DLGAP2: variants seen among roughly 807,000 people sequenced by gnomAD.
DLGAP2 encodes the protein disks large-associated protein 2.
In DLGAP2, 26 loss-of-function variants were observed where a neutral mutation model predicts 100.3. The ratio of observed to expected loss-of-function variants is 0.26; its 90% CI spans 0.19 to 0.36. DLGAP2 has a LOEUF of 0.36. Ranked by LOEUF, DLGAP2 falls within the 10% of genes least tolerant of loss-of-function variation. The pLI is 1.00. For missense variants in DLGAP2, 1,858 were observed against 1,453.2 expected, an observed-to-expected ratio of 1.28 and a Z score of -4.53; for synonymous variants, 886 against 630.1, an observed-to-expected ratio of 1.41 and a Z score of -6.08.
rs141182327 is a variant in DLGAP2 at position 1,085,421 on chromosome 8, A to G, written c.74-173430A>G. 2.3e-3 allele frequency among the ~76,000 whole-genome samples: 355 copies of G among 152,316 alleles called. 2 individuals carry two copies. The highest frequency in any genetic ancestry group is 3.9e-3 in the Non-Finnish European group (265 of 68,026). ...CTGCGCTTTTGGAATTAAATCAACC[A>G]GCATCACCCAGACCAATATTATGTA... On this transcript the variant is annotated intron_variant, in intron 2 of 14. Transcript: ENST00000637795.
In DLGAP2 at chr8:1,694,383, G is replaced by A. The variant is rs140407868; in HGVS notation, c.2796+2757G>A. 5.4e-3 allele frequency among the ~76,000 whole-genome samples: 827 copies of A among 152,296 alleles called. 5 individuals are homozygous for A. Among genetic ancestry groups the A allele is most frequent in the Middle Eastern group, 0.031 (9 of 294 alleles). The stretch of plus-strand genomic sequence containing the variant: ...GTAACTAAGCTTTAAGTCAAAGAGC[G>A]ACCCTAGAAAATGTCAGAACCCCAG... On this transcript the variant is annotated intron_variant, in intron 13 of 14. Coordinates refer to ENST00000637795, the MANE Select transcript of DLGAP2 (RefSeq NM_001346810.2).
intron 2 of DLGAP2, among the ~76,000 whole-genome samples, chr8:1,233,621 G>T (rs1798582534): frequency 1.3e-5 from 2 of 150,582 alleles, no homozygotes; most frequent in Non-Finnish European, 2.9e-5. Context: ...GCCCAGCTCT[G>T]GGTCCAATGG....
intron 3 of DLGAP2, among the ~76,000 whole-genome samples, chr8:1,269,811 A>G (rs190293987): frequency 1.3e-4 from 20 of 152,276 alleles, no homozygotes; most frequent in African/African-American, 4.1e-4. Context: ...GTATTTTTAA[A>G]GCTAGAGAAT....
intron 2 of DLGAP2, among the ~76,000 whole-genome samples, chr8:1,147,921 G>A (rs770250374): frequency 6.6e-5 from 10 of 152,092 alleles, no homozygotes; most frequent in Non-Finnish European, 8.8e-5. Flanking sequence ...TTCTATTTAC[G>A]TTTACAACAG....
chr8:1,381,041 G>C (rs1033154419), intron 3 of DLGAP2: 1 of 150,616 alleles, frequency 6.6e-6, no homozygotes, highest in Non-Finnish European at 1.5e-5. Context: ...ATAATATAAG[G>C]AGTTCCTTTC....
chr8:989,082 G>A lies in DLGAP2; in HGVS notation c.73+81116G>A, dbSNP rs143914193. Among the ~76,000 whole-genome samples, 455 of 152,288 alleles carry A rather than the reference G, an allele frequency of 3.0e-3. 4 individuals carry two copies. The highest frequency in any genetic ancestry group is 9.4e-3 in the African/African-American group (389 of 41,560). ...GAGACTGTTTTAAAGCACAGATCCC[G>A]TCTAGTCAGCCTCCATTGTGACGAC... is the stretch of plus-strand genomic sequence containing the variant. On this transcript the variant is annotated intron_variant, in intron 2 of 14. Coordinates refer to ENST00000637795, the MANE Select transcript of DLGAP2 (RefSeq NM_001346810.2).
chr8:1,644,260 C>G (rs1457138451), intron 8 of DLGAP2, among the ~76,000 whole-genome samples: 1 of 152,210 alleles, frequency 6.6e-6, no homozygotes, highest in Non-Finnish European at 1.5e-5. Flanking sequence ...GCAGCCTGAC[C>G]CTAAGCCCGC....
chr8:1,545,435 T>A (rs1801501705), intron 4 of DLGAP2, among the ~76,000 whole-genome samples: 1 of 152,216 alleles, frequency 6.6e-6, no homozygotes, highest in African/African-American at 2.4e-5. Flanking sequence ...TGGTTGTACG[T>A]TCATGAATAA....
chr8:1,307,733 T>C (rs999376656), intron 3 of DLGAP2, among the ~76,000 whole-genome samples: 2 of 152,148 alleles, frequency 1.3e-5, no homozygotes, highest in Non-Finnish European at 2.9e-5. Context: ...AGATGAACCC[T>C]GAAGACATTC....
intron 3 of DLGAP2, among the ~76,000 whole-genome samples, chr8:1,267,609 A>AAAATT (rs1799488877): frequency 8.7e-6 from 1 of 114,822 alleles, no homozygotes; most frequent in African/African-American, 3.6e-5. Flanking sequence ...AAGATAAGAT[A>AAAATT]AGATAAGATA....
chr8:1,241,948 C>A (rs575913921), intron 2 of DLGAP2, among the ~76,000 whole-genome samples: 2 of 152,164 alleles, frequency 1.3e-5, no homozygotes, highest in South Asian at 2.1e-4. Flanking sequence ...GAATGATGAT[C>A]ACTGCCTCTA....
intron 2 of DLGAP2, among the ~76,000 whole-genome samples, chr8:1,159,219 A>G (rs962835354): frequency 2.0e-5 from 3 of 152,336 alleles, no homozygotes; most frequent in South Asian, 2.1e-4. Context: ...AATGTGAGCA[A>G]TTGTTTTGGT....
rs1005794665 is a variant in DLGAP2, at chr8:1,701,234, G to GGAA, written c.2998_3000dup (p.Lys1000dup). ...CCAATACCAAAGAAGCCTCCCAAGG[G>GGAA]GAAGTTTCCCATCACAAGAGAAAAA... On this transcript the variant is annotated inframe_insertion, in exon 15 of 15. Transcript: ENST00000637795. 3.8e-6 allele frequency: 6 copies of GGAA among 1,577,922 alleles called. No homozygotes were observed. The highest frequency in any genetic ancestry group is 5.2e-6 in the Non-Finnish European group (6 of 1,162,596).
rs539724810 is a variant in DLGAP2 at position 953,710 on chromosome 8, G to A, written c.73+45744G>A. ...AAAGAAAGTGCCGAGTGGAGCTGAC[G>A]CTGTCACAGTGAAATTGAGAAAGAA... On this transcript the variant is annotated intron_variant, in intron 2 of 14. Coordinates refer to ENST00000637795, the MANE Select transcript of DLGAP2 (RefSeq NM_001346810.2). 2.6e-5 allele frequency among the ~76,000 whole-genome samples: 4 copies of A among 152,170 alleles called. No homozygotes were observed. In the South Asian group the frequency reaches 6.2e-4, roughly 24 times the overall value.
At chr8:762,631 T>G (rs1054406537) in intron 1 of DLGAP2, among the ~76,000 whole-genome samples, 1 of 152,048 alleles carries the variant, frequency 6.6e-6, no homozygotes, top group Non-Finnish European at 1.5e-5. Context: ...AGTATGACTC[T>G]TGAGGTCCAC....
At chr8:782,585 G>T (rs532534397) in intron 1 of DLGAP2, among the ~76,000 whole-genome samples, 1 of 152,268 alleles carries the variant, frequency 6.6e-6, no homozygotes, top group South Asian at 2.1e-4. Flanking sequence ...AGCAAATGGG[G>T]GTTAAATTAT....
chr8:1,459,689 T>C (rs561925965), intron 3 of DLGAP2, among the ~76,000 whole-genome samples: 15 of 147,366 alleles, frequency 1.0e-4, no homozygotes, highest in Admixed American at 8.1e-4. Flanking sequence ...GTTTTCTTTT[T>C]TTTTTTTTTT....
chr8:980,119 C>T (rs951675876), intron 2 of DLGAP2, among the ~76,000 whole-genome samples: 3 of 152,140 alleles, frequency 2.0e-5, no homozygotes, highest in Non-Finnish European at 2.9e-5. Flanking sequence ...GCTGGGATTC[C>T]GGGAGTCAGG....
At chr8:1,244,743 G>A (rs1355697093) in intron 2 of DLGAP2, among the ~76,000 whole-genome samples, 2 of 152,148 alleles carry the variant, frequency 1.3e-5, no homozygotes, top group Middle Eastern at 3.2e-3. Context: ...CACCCAAAGC[G>A]CAAAGCACAA....
Sources: allele counts gnomAD v4.1 joint callset (sites outside exome capture counted in the v4.1 genomes callset), GRCh38; gene constraint gnomAD v4.1.1; transcripts MANE v1.5; gene names NCBI Gene and HGNC (gene_info 2026-07-23, HGNC 2026-07-21).